Variants in P3H2 observed in about 807,000 individuals in gnomAD.
The protein encoded by P3H2 is prolyl 3-hydroxylase 2, also known as leprecan-like 1.
A neutral mutation model predicts 87.0 loss-of-function variants in P3H2; 80 were observed. That is an observed-to-expected ratio of 0.92 (90% CI 0.77 to 1.11). The LOEUF is 1.11. Among genes scored for constraint, P3H2 ranks in the 50% least tolerant of loss-of-function variants. P3H2 has a pLI of 0.00. For missense variants in P3H2, 1,001 were observed against 923.9 expected, an observed-to-expected ratio of 1.08 and a Z score of -1.08; for synonymous variants, 367 against 359.3, an observed-to-expected ratio of 1.02 and a Z score of -0.24.
intron 1 of P3H2, among the ~76,000 whole-genome samples, chr3:189,999,754 A>C (rs1425121845): frequency 6.6e-6 from 1 of 152,248 alleles, no homozygotes; most frequent in Non-Finnish European, 1.5e-5. Flanking sequence ...AAAGGGGAAT[A>C]ATCTGACATG....
chr3:190,040,989 G>T (rs1349138736), intron 1 of P3H2, among the ~76,000 whole-genome samples: 1 of 131,926 alleles, frequency 7.6e-6, no homozygotes, highest in African/African-American at 2.7e-5. Flanking sequence ...TTAAAGATCA[G>T]CCTGGGCAAC....
At chr3:190,116,762 T>C (rs1335939459) in intron 1 of P3H2, 1 of 152,208 alleles carries the variant, frequency 6.6e-6, no homozygotes, top group Non-Finnish European at 1.5e-5. Context: ...CTATGAATCA[T>C]GGGTTATCTC....
At chr3:190,043,709 G>T (rs930815189) in intron 1 of P3H2, among the ~76,000 whole-genome samples, 5 of 152,110 alleles carry the variant, frequency 3.3e-5, no homozygotes, top group Non-Finnish European at 7.3e-5. Flanking sequence ...ACTTTATACT[G>T]TTGTTGATAT....
At chr3:190,095,476 C>T (rs964960601) in intron 1 of P3H2, among the ~76,000 whole-genome samples, 4 of 149,652 alleles carry the variant, frequency 2.7e-5, no homozygotes, top group African/African-American at 9.8e-5. Context: ...CAAAAGTTTA[C>T]AAGGAGAATT....
intron 1 of P3H2, among the ~76,000 whole-genome samples, chr3:190,001,512 C>T (rs1724216087): frequency 6.6e-6 from 1 of 152,090 alleles, no homozygotes; most frequent in Non-Finnish European, 1.5e-5. Context: ...TTTTTGCCTT[C>T]GTTTTTTTAC....
At chr3:190,111,922 CAG>C (rs982506051) in intron 1 of P3H2, among the ~76,000 whole-genome samples, 1 of 152,156 alleles carries the variant, frequency 6.6e-6, no homozygotes, top group Non-Finnish European at 1.5e-5. Flanking sequence ...GGAAGATGCT[CAG>C]AGAGAGAAAA....
chr3:190,044,217 C>G (rs1410176044), intron 1 of P3H2, among the ~76,000 whole-genome samples: 2 of 152,170 alleles, frequency 1.3e-5, no homozygotes, highest in Non-Finnish European at 2.9e-5. Context: ...TTAGCTAATA[C>G]TTGAGCACTT....
intron 1 of P3H2, among the ~76,000 whole-genome samples, chr3:190,107,516 C>G (rs970201971): frequency 1.3e-5 from 2 of 152,048 alleles, no homozygotes; most frequent in Non-Finnish European, 2.9e-5. Flanking sequence ...TTCATCAACC[C>G]TATGAGTTGA....
intron 1 of P3H2, among the ~76,000 whole-genome samples, chr3:190,006,528 T>A (rs1724393605): frequency 6.6e-6 from 1 of 152,202 alleles, no homozygotes; most frequent in African/African-American, 2.4e-5. Context: ...TGTGACAGGA[T>A]CCTAATCTTT....
intron 1 of P3H2, among the ~76,000 whole-genome samples, chr3:190,109,541 T>C (rs1711984711): frequency 6.6e-6 from 1 of 152,180 alleles, no homozygotes; most frequent in African/African-American, 2.4e-5. Context: ...ACAACTAAGA[T>C]GTGTTAGTTT....
At chr3:190,016,277 C>A (rs1724751014) in intron 1 of P3H2, among the ~76,000 whole-genome samples, 1 of 152,098 alleles carries the variant, frequency 6.6e-6, no homozygotes, top group Non-Finnish European at 1.5e-5. Context: ...GAGTTTCACT[C>A]TTGTTGCCCA....
In P3H2 at chr3:190,041,035, TATACACACACACACACACAC is replaced by T. The variant is rs1394915972; in HGVS notation, c.481-45613_481-45594del. On this transcript the variant is annotated intron_variant, in intron 1 of 14. Coordinates refer to ENST00000319332, the MANE Select transcript of P3H2 (RefSeq NM_018192.4). ...CATGGCTCTACTATATATATATATA[TATACACACACACACACACAC>T]ACACACACACACACACACACACACA... Among the ~76,000 whole-genome samples the T allele has an allele frequency of 7.2e-3, 285 of 39,798 alleles. 21 individuals are homozygous for T. Among genetic ancestry groups the T allele is most frequent in the African/African-American group, 0.037 (275 of 7,362 alleles). 26.1% of individuals were successfully genotyped at this position (39,798 alleles called of 152,430 possible).
chr3:189,961,181 T>C (rs770410660), intron 14 of P3H2, among the ~76,000 whole-genome samples: 1 of 152,184 alleles, frequency 6.6e-6, no homozygotes, highest in Non-Finnish European at 1.5e-5. Flanking sequence ...CCTCAGGTGA[T>C]CTGCCCGCCT....
At chr3:190,112,668 A>C (rs936845590) in intron 1 of P3H2, among the ~76,000 whole-genome samples, 1 of 152,252 alleles carries the variant, frequency 6.6e-6, no homozygotes, top group Non-Finnish European at 1.5e-5. Context: ...ACAGTAGAGC[A>C]GAAAGGAGTG....
intron 13 of P3H2, among the ~76,000 whole-genome samples, chr3:189,967,548 G>A (rs975810040): frequency 1.3e-5 from 2 of 150,850 alleles, no homozygotes; most frequent in Admixed American, 6.6e-5. Context: ...CTCAGTTTCA[G>A]TGTTAGCAGA....
At chr3:190,097,882 A>G (rs1325061141) in intron 1 of P3H2, among the ~76,000 whole-genome samples, 1 of 152,158 alleles carries the variant, frequency 6.6e-6, no homozygotes, top group Non-Finnish European at 1.5e-5. Context: ...AGGCCCCCCA[A>G]AAAACCCTAC....
intron 10 of P3H2, 35 bp from the exon 11 acceptor site, chr3:189,973,059 G>A (rs749004397): frequency 2.1e-5 from 33 of 1,602,996 alleles, no homozygotes; most frequent in Non-Finnish European, 2.6e-5. Context: ...GAAACAAATG[G>A]GTTCATTGGA....
intron 1 of P3H2, among the ~76,000 whole-genome samples, chr3:190,011,568 A>G (rs1007987892): frequency 1.3e-5 from 2 of 152,218 alleles, no homozygotes; most frequent in Admixed American, 1.3e-4. Context: ...TATTTTGATT[A>G]GCTGGTAAAG....
At chr3:190,114,914 T>C (rs1712230554) in intron 1 of P3H2, among the ~76,000 whole-genome samples, 1 of 152,234 alleles carries the variant, frequency 6.6e-6, no homozygotes, top group Non-Finnish European at 1.5e-5. Flanking sequence ...GGAAAGCATT[T>C]TTATTCTAAA....
Sources: gnomAD v4.1 joint callset for allele counts (sites outside exome capture counted in the v4.1 genomes callset) on GRCh38, gnomAD v4.1.1 for gene constraint, MANE v1.5 for transcripts, NCBI Gene and HGNC (gene_info 2026-07-23, HGNC 2026-07-21) for gene names.